Variants in MATR3 observed in about 807,000 individuals in gnomAD.
MATR3 encodes the protein matrin 3.
A neutral mutation model predicts 85.5 loss-of-function variants in MATR3; 4 were observed. The observed-to-expected ratio is 0.05, with a 90% confidence interval of 0.02 to 0.11. The LOEUF is 0.11. Among genes scored for constraint, MATR3 ranks in the 10% least tolerant of loss-of-function variants. The pLI is 1.00. For missense variants in MATR3, 685 were observed against 1,016.1 expected, an observed-to-expected ratio of 0.67 and a Z score of 4.43; for synonymous variants, 336 against 343.1, an observed-to-expected ratio of 0.98 and a Z score of 0.23.
At position 139,296,414 on chromosome 5, in the gene MATR3, G is replaced by T. The variant is rs185963577; in HGVS notation, c.-178+2609G>T. Among the ~76,000 whole-genome samples, 86 of 152,208 alleles carry T rather than the reference G, an allele frequency of 5.7e-4. No homozygotes were observed. In the East Asian group the frequency reaches 0.016, roughly 28 times the overall value. On this transcript the variant is annotated intron_variant, in intron 1 of 14. Coordinates refer to ENST00000394805, the MANE Select transcript of MATR3 (RefSeq NM_018834.6). The stretch of plus-strand genomic sequence containing the variant: ...TGAAAATAGAGATATACCCCAAAAT[G>T]TTTGCTCAGATGTTGGCATTGTTTA...
chr5:139,305,629 C>T (rs1278328563), intron 1 of MATR3, among the ~76,000 whole-genome samples: 1 of 152,180 alleles, frequency 6.6e-6, no homozygotes, highest in African/African-American at 2.4e-5. Context: ...ATCAAAGAAA[C>T]TTTCATCTGA....
In MATR3 at chr5:139,329,530, G is replaced by T. The variant is rs766999656; in HGVS notation, c.*135G>T. 3 of 735,636 alleles carry T rather than the reference G, an allele frequency of 4.1e-6. No homozygotes were observed. The highest frequency in any genetic ancestry group is 7.1e-6 in the Non-Finnish European group (3 of 425,338). The allele number at this position is 735,636 out of a possible 1,614,324, so 45.6% of individuals were successfully genotyped here. ...TTGTTTTAGTGGAGAAATAATAGAT[G>T]TCTGTTCATGTGTTAAGTGTTATAG... On this transcript the variant is annotated 3_prime_UTR_variant, in exon 15 of 15. Coordinates refer to ENST00000394805, the MANE Select transcript of MATR3 (RefSeq NM_018834.6).
chr5:139,325,262 A>G (rs1479930801), intron 12 of MATR3, 178 bp from the exon 13 acceptor site: 3 of 1,549,678 alleles, frequency 1.9e-6, no homozygotes, highest in Non-Finnish European at 1.7e-6. Context: ...GCTGCAGGAT[A>G]ATTGTTGCAG....
chr5:139,286,214 C>T (rs1039921118), intron 3 of MATR3, among the ~76,000 whole-genome samples: 1 of 152,072 alleles, frequency 6.6e-6, no homozygotes, highest in Non-Finnish European at 1.5e-5. Context: ...AAAAAATGAC[C>T]TGGTTCCAGG....
At position 139,331,092 on chromosome 5, in the gene MATR3, A is replaced by G. The variant is rs1465940895; in HGVS notation, c.*1697A>G. 8.8e-6 allele frequency: 4 copies of G among 453,932 alleles called. No homozygotes were observed. The highest frequency in any genetic ancestry group is 8.0e-5 in the African/African-American group (4 of 50,000). The allele number at this position is 453,932 out of a possible 1,614,324, so 28.1% of individuals were successfully genotyped here. On this transcript the variant is annotated 3_prime_UTR_variant, in exon 15 of 15. Coordinates refer to ENST00000394805, the MANE Select transcript of MATR3 (RefSeq NM_018834.6). The stretch of plus-strand genomic sequence containing the variant: ...AGGCATGAGCCACCATCCCTGGCCA[A>G]GAAACAAAGTTTTAATTTCAAAAAA...
chr5:139,279,381 A>G, intron 3 of MATR3: 3 of 285,490 alleles, frequency 1.1e-5, no homozygotes, highest in Non-Finnish European at 1.4e-5. Context: ...GGCACCTGCC[A>G]CCATGCCAGG....
In MATR3 at chr5:139,322,854, A is replaced by G. The variant is rs758915987; in HGVS notation, c.2035A>G (p.Thr679Ala). 16 of 1,614,112 alleles carry G rather than the reference A, an allele frequency of 9.9e-6. No homozygotes were observed. Among genetic ancestry groups the G allele is most frequent in the Admixed American group, 1.7e-5 (1 of 60,000 alleles). ...AAGTGGCAGTTCAGTGGGAGACGAG[A>G]CCGATCTTGCTAATTTAGGTGATGT... ...LESGSSVGDE[T>A]DLANLGDVAS... Residue 679 changes from threonine to alanine, a missense_variant, in exon 12 of 15, where the codon ACC (threonine) becomes GCC (alanine). Coordinates refer to ENST00000394805, the MANE Select transcript of MATR3 (RefSeq NM_018834.6).
At chr5:139,297,878 A>G (rs1754237476) in intron 1 of MATR3, among the ~76,000 whole-genome samples, 1 of 152,220 alleles carries the variant, frequency 6.6e-6, no homozygotes, top group Non-Finnish European at 1.5e-5. Context: ...CTTATCTGAC[A>G]TTCTCTTTAA....
chr5:139,311,307 A>G (rs1351921521), intron 2 of MATR3: 1 of 152,178 alleles, frequency 6.6e-6, no homozygotes, highest in African/African-American at 2.4e-5. Flanking sequence ...TCCTACAGAA[A>G]TGTCTGAATT....
At chr5:139,300,747 A>T (rs967501940) in intron 1 of MATR3, among the ~76,000 whole-genome samples, 1 of 152,140 alleles carries the variant, frequency 6.6e-6, no homozygotes, top group Admixed American at 6.5e-5. Flanking sequence ...GGTTCAAGTG[A>T]TTCTTCTGCC....
chr5:139,307,044 ATAC>A lies in MATR3; in HGVS notation c.-177-190_-177-188del, dbSNP rs144702367. 0.028 allele frequency among the ~76,000 whole-genome samples: 4,262 copies of A among 152,294 alleles called. 86 individuals carry two copies. The highest frequency in any genetic ancestry group is 0.047 in the Non-Finnish European group (3,218 of 68,014). Reference sequence around the variant, plus strand: ...TTTAATAGTTAAGCTTTAGCATGAAATACTACTTTTTAAATATCTATATGCAGG... The same window carrying A: ...TTTAATAGTTAAGCTTTAGCATGAAATACTTTTTAAATATCTATATGCAGG... On this transcript the variant is annotated intron_variant, in intron 1 of 14. Coordinates refer to ENST00000394805, the MANE Select transcript of MATR3 (RefSeq NM_018834.6). This position sits in a 1 kb window ranked among gnomAD's most constrained non-coding sequence, Gnocchi z 4.4.
At chr5:139,298,580 A>T (rs1754281698) in intron 1 of MATR3, among the ~76,000 whole-genome samples, 1 of 152,212 alleles carries the variant, frequency 6.6e-6, no homozygotes, top group South Asian at 2.1e-4. Flanking sequence ...AAGAAAAGAA[A>T]CACAAATATT....
At chr5:139,278,390 C>A in intron 2 of MATR3, 1 of 453,662 alleles carries the variant, frequency 2.2e-6, no homozygotes, top group Middle Eastern at 6.9e-4. Context: ...AGGTGACAGT[C>A]TGCATGTGCA....
Position 139,307,575 on chromosome 5 carries a change from A to G in MATR3, c.160A>G (p.Ser54Gly). The change falls in exon 2 of 15, where the codon AGT becomes GGT. Residue 54 changes from serine (S) to glycine (G), a missense_variant. Physicochemically the swap from Ser to Gly is moderately conservative, Grantham distance 56. This residue lies in a region of MATR3 where 30 missense variants were observed against 69.5 expected (regional missense o/e 0.43). Transcript: ENST00000394805. This position sits in a 1 kb window ranked among gnomAD's most constrained non-coding sequence, Gnocchi z 4.4. ...RMNQGTARLA[S>G]LMNLGMSSSL... ...GAACCAGGGTACTGCACGCCTTGCT[A>G]GTTTAATGAATCTTGGAATGAGTTC... The G allele has an allele frequency of 6.2e-7, 1 of 1,614,186 alleles. No individual in the cohort carries two copies. Among genetic ancestry groups the G allele is most frequent in the Non-Finnish European group, 8.5e-7 (1 of 1,180,034 alleles).
At chr5:139,277,784 T>C (rs1277516207) in intron 2 of MATR3, among the ~76,000 whole-genome samples, 2 of 149,568 alleles carry the variant, frequency 1.3e-5, no homozygotes, top group East Asian at 1.9e-4. Context: ...TTTTTTTAAT[T>C]GACAGTAATT....
chr5:139,315,700 C>T lies in MATR3; in HGVS notation c.978C>T (p.Tyr326=), dbSNP rs1755205619. The T allele has an allele frequency of 1.2e-6, 2 of 1,609,830 alleles. No individual in the cohort carries two copies. Among genetic ancestry groups the T allele is most frequent in the Non-Finnish European group, 8.5e-7 (1 of 1,176,466 alleles). The change falls in exon 4 of 15, where the codon TAC becomes TAT. Residue 326 remains tyrosine, a synonymous_variant. Coordinates refer to ENST00000394805, the MANE Select transcript of MATR3 (RefSeq NM_018834.6). The part of the protein sequence containing the change: ...SRRCQLLLEI[Y]PEWNPDNDTG... ...TAATTTTCTGGTCTTTTTAAAGCTA[C>T]CCAGAATGGAATCCTGACAATGATA...
intron 2 of MATR3, chr5:139,278,392 G>T: frequency 2.2e-6 from 1 of 453,382 alleles, no homozygotes; most frequent in Non-Finnish European, 4.4e-6. Flanking sequence ...GTGACAGTCT[G>T]CATGTGCAGT....
chr5:139,302,619 G>A (rs545127031), intron 1 of MATR3, among the ~76,000 whole-genome samples: 4 of 152,264 alleles, frequency 2.6e-5, no homozygotes, highest in East Asian at 3.9e-4. Context: ...AGTCCTGACC[G>A]CAGGAATCAA....
chr5:139,296,285 G>T (rs956510914), intron 1 of MATR3, among the ~76,000 whole-genome samples: 2 of 152,202 alleles, frequency 1.3e-5, no homozygotes, highest in African/African-American at 2.4e-5. Context: ...CGTAGGTGAA[G>T]AGTATGATGG....
Sources: gnomAD v4.1 joint callset for allele counts (sites outside exome capture counted in the v4.1 genomes callset) on GRCh38, gnomAD v4.1.1 for gene constraint, gnomAD v4.1.1 regional missense constraint, Gnocchi (gnomAD v3.1) non-coding constraint, MANE v1.5 for transcripts, NCBI Gene and HGNC (gene_info 2026-07-23, HGNC 2026-07-21) for gene names.